Variants in CAPZA1 observed in about 807,000 individuals in gnomAD.
CAPZA1 encodes capping actin protein of muscle Z-line subunit alpha 1.
Under a neutral mutation model 40.8 loss-of-function variants are expected in CAPZA1, and 10 were observed. The ratio of observed to expected loss-of-function variants is 0.25; its 90% confidence interval spans 0.15 to 0.42. The LOEUF is 0.42. CAPZA1 is among the 10% of genes least tolerant of loss of function. CAPZA1 has a pLI of 1.00. For synonymous variants in CAPZA1, 98 were observed against 115.0 expected (o/e 0.85, Z 0.95); for missense variants, 277 against 353.8 (o/e 0.78, Z 1.74).
At chr1:112,664,513 T>C (rs1671685052) in intron 7 of CAPZA1, among the ~76,000 whole-genome samples, 1 of 152,316 alleles carries the variant, frequency 6.6e-6, no homozygotes, top group East Asian at 1.9e-4. Context: ...AAATCCTAGC[T>C]CCTCCTCTTA....
In CAPZA1 at chr1:112,670,191, T is replaced by C. The variant is rs1671801406; in HGVS notation, c.*59T>C. The stretch of plus-strand genomic sequence containing the variant: ...GACAAGGATTCAACGTGTGGTCATA[T>C]GATAAATAAGTGATTTATAAACAAG... On this transcript the variant is annotated 3_prime_UTR_variant, in exon 10 of 10. Coordinates refer to ENST00000263168, the MANE Select transcript of CAPZA1 (RefSeq NM_006135.3). The C allele has an allele frequency of 4.4e-6, 7 of 1,585,416 alleles. No homozygotes were observed. Among genetic ancestry groups the C allele is most frequent in the African/African-American group, 1.4e-5 (1 of 74,014 alleles).
Position 112,670,070 on chromosome 1 carries a change from A to G in CAPZA1, c.799A>G (p.Thr267Ala), listed in dbSNP as rs775007155. 2 of 1,613,980 alleles carry G rather than the reference A, an allele frequency of 1.2e-6. No homozygotes were observed. Among genetic ancestry groups the G allele is most frequent in the Non-Finnish European group, 1.7e-6 (2 of 1,179,848 alleles). ...GCGCCGGCAGCTTCCAGTTACCCGCACCAAAATCGACTGGAACAAGATACT... is the reference window on the plus strand; with the variant it reads ...GCGCCGGCAGCTTCCAGTTACCCGCGCCAAAATCGACTGGAACAAGATACT... ...ALRRQLPVTR[T>A]KIDWNKILSY... is the part of the protein sequence containing the mutation. Residue 267 changes from threonine to alanine, a missense_variant, in exon 10 of 10, where the codon ACC becomes GCC. Around this residue, in one of 2 missense-constraint regions of CAPZA1, gnomAD observed 192 missense variants for 277.2 expected, o/e 0.69. Transcript: ENST00000263168.
chr1:112,654,341 A>G (rs1470068808), intron 4 of CAPZA1, 124 bp from the exon 5 acceptor site: 3 of 631,816 alleles, frequency 4.7e-6, no homozygotes, highest in Non-Finnish European at 5.6e-6. Context: ...TGAAAAATTA[A>G]TATGAAAGAA....
At chr1:112,669,309 G>T (rs1285465900) in intron 8 of CAPZA1, among the ~76,000 whole-genome samples, 2 of 152,142 alleles carry the variant, frequency 1.3e-5, no homozygotes, top group Non-Finnish European at 2.9e-5. Context: ...TATAATTCTG[G>T]TCAAGTTGCT....
At chr1:112,640,299 C>A (rs9988439) in intron 1 of CAPZA1, among the ~76,000 whole-genome samples, 3 of 72,274 alleles carry the variant, frequency 4.2e-5, no homozygotes, top group Non-Finnish European at 5.8e-5. Context: ...CCAGCCGCCC[C>A]GTCCGGGAGG....
At chr1:112,639,179 T>C (rs1252676737) in intron 1 of CAPZA1, among the ~76,000 whole-genome samples, 1 of 152,046 alleles carries the variant, frequency 6.6e-6, no homozygotes, top group East Asian at 1.9e-4. Flanking sequence ...ACAATGTGTT[T>C]TAGGATTCCA....
Position 112,670,999 on chromosome 1 carries a change from A to C in CAPZA1, c.*867A>C, listed in dbSNP as rs929324026. Reference sequence around the variant, plus strand: ...TTGTGCTTTAATACTTTATGGCAGGATTGTACTATAAGCAAATGAATTAAA... The same window carrying C: ...TTGTGCTTTAATACTTTATGGCAGGCTTGTACTATAAGCAAATGAATTAAA... On this transcript the variant is annotated 3_prime_UTR_variant, in exon 10 of 10. Transcript: ENST00000263168. 6.6e-6 allele frequency: 1 copy of C among 152,644 alleles called. No homozygotes were observed. Among genetic ancestry groups the C allele is most frequent in the African/African-American group, 2.4e-5 (1 of 41,470 alleles). 9.5% of individuals were successfully genotyped at this position (152,644 alleles called of 1,614,324 possible).
chr1:112,629,689 C>A (rs1007534952), intron 1 of CAPZA1, among the ~76,000 whole-genome samples: 5 of 152,180 alleles, frequency 3.3e-5, no homozygotes, highest in African/African-American at 1.2e-4. Flanking sequence ...TAGCAAGTGG[C>A]CATTGCCAAT....
chr1:112,620,980 A>G (rs924446441), intron 1 of CAPZA1, among the ~76,000 whole-genome samples: 1 of 151,708 alleles, frequency 6.6e-6, no homozygotes, highest in Non-Finnish European at 1.5e-5. Context: ...CTGTAAATCT[A>G]CCTGGGTGTT....
At chr1:112,659,599 T>C (rs77585782) in intron 6 of CAPZA1, 102 bp from the exon 7 acceptor site, 2 of 807,654 alleles carry the variant, frequency 2.5e-6, no homozygotes, top group Non-Finnish European at 4.0e-6. Flanking sequence ...TTTTTTTTTC[T>C]TTTTTTGCAC....
chr1:112,663,317 A>C (rs754265505), intron 7 of CAPZA1, among the ~76,000 whole-genome samples: 2 of 152,078 alleles, frequency 1.3e-5, no homozygotes, highest in African/African-American at 2.4e-5. Flanking sequence ...TTTTTTAATG[A>C]AAAAACAAAC....
intron 1 of CAPZA1, among the ~76,000 whole-genome samples, chr1:112,639,540 A>C (rs1185101668): frequency 6.6e-6 from 1 of 152,176 alleles, no homozygotes. Context: ...GGGGATATGA[A>C]GGTCAAAGGT....
At chr1:112,641,452 G>A (rs1014065273) in intron 1 of CAPZA1, among the ~76,000 whole-genome samples, 33 of 152,004 alleles carry the variant, frequency 2.2e-4, no homozygotes, top group Non-Finnish European at 4.7e-4. Flanking sequence ...TCATTCAACA[G>A]CACATTATAA....
chr1:112,622,354 A>C (rs1670693690), intron 1 of CAPZA1, among the ~76,000 whole-genome samples: 1 of 152,218 alleles, frequency 6.6e-6, no homozygotes, highest in Non-Finnish European at 1.5e-5. Context: ...TAAAACAGGA[A>C]GTTGAAAGTG....
chr1:112,624,005 CAAAAAAAAA>C (rs749422218), intron 1 of CAPZA1, among the ~76,000 whole-genome samples: 38 of 74,792 alleles, frequency 5.1e-4, no homozygotes, highest in Non-Finnish European at 6.9e-4. Context: ...GACTCCATCT[CAAAAAAAAA>C]AAAAAAGAAA....
rs1671801318 is a variant in CAPZA1, at chr1:112,670,189, T to C, written c.*57T>C. The C allele has an allele frequency of 6.3e-7, 1 of 1,585,986 alleles. No homozygotes were observed. Among genetic ancestry groups the C allele is most frequent in the African/African-American group, 1.4e-5 (1 of 73,934 alleles). On this transcript the variant is annotated 3_prime_UTR_variant, in exon 10 of 10. Transcript: ENST00000263168. ...AAGACAAGGATTCAACGTGTGGTCATATGATAAATAAGTGATTTATAAACA... is the reference window on the plus strand; with the variant it reads ...AAGACAAGGATTCAACGTGTGGTCACATGATAAATAAGTGATTTATAAACA...
intron 5 of CAPZA1, among the ~76,000 whole-genome samples, chr1:112,656,605 T>G (rs1671505112): frequency 6.6e-6 from 1 of 152,034 alleles, no homozygotes. Context: ...TTATTGTTTG[T>G]TACCTGTTCA....
intron 7 of CAPZA1, among the ~76,000 whole-genome samples, chr1:112,660,762 C>T (rs1203235000): frequency 1.3e-5 from 2 of 151,480 alleles, no homozygotes; most frequent in East Asian, 1.9e-4. Context: ...TACAGGTAAC[C>T]GAGAAGATCA....
chr1:112,670,362 C>CTTT lies in CAPZA1; in HGVS notation c.*247_*249dup, dbSNP rs58051216. ...TATATCTACGTGTAAATCTTTTTTT[C>CTTT]TTTTTTTTTTTTTTTTTTTGGTTAA... On this transcript the variant is annotated 3_prime_UTR_variant, in exon 10 of 10. Transcript: ENST00000263168. 38,522 of 148,800 alleles carry CTTT rather than the reference C, an allele frequency of 0.26. 5,011 individuals carry two copies. The highest frequency in any genetic ancestry group is 0.31 in the South Asian group (2,923 of 9,544). 9.2% of individuals were successfully genotyped at this position (148,800 alleles called of 1,614,324 possible).
Sources: allele counts gnomAD v4.1 joint callset (sites outside exome capture counted in the v4.1 genomes callset), GRCh38; gene constraint gnomAD v4.1.1; regional missense constraint gnomAD v4.1.1; transcripts MANE v1.5; gene names NCBI Gene and HGNC (gene_info 2026-07-23, HGNC 2026-07-21).